TAFA2: variants seen among roughly 807,000 people sequenced by gnomAD.
The protein encoded by TAFA2 is chemokine-like protein TAFA-2.
A neutral mutation model predicts 18.8 loss-of-function variants in TAFA2; 7 were observed. The observed-to-expected ratio is 0.37, with a 90% confidence interval of 0.21 to 0.70. TAFA2 has a LOEUF of 0.70. TAFA2 is among the 30% of genes least tolerant of loss of function. The pLI, the probability that TAFA2 is intolerant of heterozygous loss-of-function variation, is 0.53. For synonymous variants in TAFA2, 60 were observed against 54.2 expected, an observed-to-expected ratio of 1.11 and a Z score of -0.47; for missense variants, 122 against 158.1, an observed-to-expected ratio of 0.77 and a Z score of 1.23.
At chr12:61,754,678 G>T (rs542176892) in intron 3 of TAFA2, among the ~76,000 whole-genome samples, 194 bp downstream of exon 3, 11 of 151,536 alleles carry the variant, frequency 7.3e-5, no homozygotes, top group Non-Finnish European at 1.5e-4. Context: ...TAACAGAACT[G>T]CATAATATTT....
At chr12:61,768,477 G>A (rs1189132853) in intron 2 of TAFA2, among the ~76,000 whole-genome samples, 1 of 152,094 alleles carries the variant, frequency 6.6e-6, no homozygotes, top group Non-Finnish European at 1.5e-5. Flanking sequence ...TGCCACTGTA[G>A]GTTTCGTGAG....
At chr12:62,193,706 C>G (rs2062637064), upstream of TAFA2, among the ~76,000 whole-genome samples, 1 of 152,160 alleles carries the variant, frequency 6.6e-6, no homozygotes, top group Non-Finnish European at 1.5e-5. Flanking sequence ...CATCTGTAAC[C>G]TTAACATTTA....
In TAFA2 at chr12:61,990,982, C is replaced by T. The variant is rs182647406; in HGVS notation, c.-1-123556G>A. On this transcript the variant is annotated intron_variant, in intron 1 of 4. Coordinates refer to ENST00000416284, the MANE Select transcript of TAFA2 (RefSeq NM_178539.5). ...AATATTTAGGTGAGGAAAATAGTGA[C>T]CTTTTGTAAATCCCCATAAATTAAC... Among the ~76,000 whole-genome samples the T allele has an allele frequency of 1.7e-3, 266 of 152,204 alleles. 4 individuals are homozygous for T. Among genetic ancestry groups the T allele is most frequent in the Non-Finnish European group, 1.4e-3 (93 of 68,004 alleles).
intron 2 of TAFA2, among the ~76,000 whole-genome samples, chr12:61,859,445 T>C (rs1231948061): frequency 1.3e-5 from 2 of 152,080 alleles, no homozygotes; most frequent in South Asian, 2.1e-4. Flanking sequence ...TTTGTTTTTG[T>C]TTTTGTTTTT....
intron 1 of TAFA2, among the ~76,000 whole-genome samples, chr12:62,079,660 T>C (rs1171032436): frequency 6.7e-6 from 1 of 148,180 alleles, no homozygotes; most frequent in Non-Finnish European, 1.5e-5. Context: ...CAAGACTCTG[T>C]CTCAAAAAAA....
intron 1 of TAFA2, among the ~76,000 whole-genome samples, chr12:62,059,552 G>A (rs948108926): frequency 3.0e-4 from 46 of 152,000 alleles, no homozygotes; most frequent in African/African-American, 1.1e-3. Context: ...GGGGCGGGGG[G>A]TTGCTGTTTT....
intron 2 of TAFA2, among the ~76,000 whole-genome samples, chr12:61,848,802 G>C (rs11174197): frequency 0.29 from 43,346 of 148,848 alleles, 6,877 homozygotes; most frequent in South Asian, 0.4. Flanking sequence ...ACAATAATAT[G>C]TTACATTGGT....
intron 2 of TAFA2, among the ~76,000 whole-genome samples, chr12:61,802,765 G>A (rs1430485033): frequency 6.6e-6 from 1 of 151,848 alleles, no homozygotes; most frequent in African/African-American, 2.4e-5. Flanking sequence ...CAGAAAGACA[G>A]GATAAATGTT....
At chr12:61,771,621 T>G (rs1318574152) in intron 2 of TAFA2, among the ~76,000 whole-genome samples, 2 of 151,982 alleles carry the variant, frequency 1.3e-5, no homozygotes, top group Non-Finnish European at 2.9e-5. Flanking sequence ...AATTTGCCCC[T>G]GAATGATTGT....
At chr12:62,214,734 C>A (rs1678528436) in intron 1 of TAFA2, among the ~76,000 whole-genome samples, 1 of 152,054 alleles carries the variant, frequency 6.6e-6, no homozygotes, top group African/African-American at 2.4e-5. Flanking sequence ...ATAAAAAGGC[C>A]TTGGAAAAAA....
At chr12:61,961,287 C>A (rs1202042425) in intron 1 of TAFA2, among the ~76,000 whole-genome samples, 3 of 151,942 alleles carry the variant, frequency 2.0e-5, no homozygotes, top group Non-Finnish European at 4.4e-5. Context: ...CAATGGGGAT[C>A]ACAATTTGGA....
In TAFA2 at chr12:61,838,736, T is replaced by C. The variant is rs1042977546; in HGVS notation, c.106+28584A>G. Among the ~76,000 whole-genome samples, 6 of 152,042 alleles carry C rather than the reference T, an allele frequency of 3.9e-5. No individual in the cohort carries two copies. The South Asian group carries it at 1.2e-3, about 31-fold the overall frequency. On this transcript the variant is annotated intron_variant, in intron 2 of 4. Transcript: ENST00000416284. ...TCGACAAATATTTTTGAGCACCTAT[T>C]GTATGCCAGGTCTTGCAGAAGTAGA...
chr12:61,976,081 C>T (rs17125568), intron 1 of TAFA2, among the ~76,000 whole-genome samples: 37,942 of 151,570 alleles, frequency 0.25, 5,032 homozygotes, highest in South Asian at 0.43. Flanking sequence ...CTTTACCAAA[C>T]GATATAATTA....
intron 2 of TAFA2, among the ~76,000 whole-genome samples, chr12:61,832,239 G>A (rs1321733096): frequency 2.0e-5 from 3 of 151,974 alleles, no homozygotes; most frequent in African/African-American, 4.8e-5. Flanking sequence ...AATCAGGAAC[G>A]GCCATGCAAC....
chr12:62,049,548 A>G (rs1337311211), intron 1 of TAFA2, among the ~76,000 whole-genome samples: 1 of 152,208 alleles, frequency 6.6e-6, no homozygotes, highest in Non-Finnish European at 1.5e-5. Context: ...TTTCAGTTGA[A>G]TAATGAGCAA....
chr12:61,907,786 C>A (rs1876425261), intron 1 of TAFA2, among the ~76,000 whole-genome samples: 1 of 152,218 alleles, frequency 6.6e-6, no homozygotes. Context: ...AAGGGTGGAG[C>A]TGCCCAAGGC....
chr12:62,072,538 T>C (rs1392021475), intron 1 of TAFA2, among the ~76,000 whole-genome samples: 1 of 151,934 alleles, frequency 6.6e-6, no homozygotes, highest in African/African-American at 2.4e-5. Flanking sequence ...TCCAGCACTT[T>C]GGGAGGCTGA....
chr12:62,143,345 G>A (rs2062253454), intron 1 of TAFA2, among the ~76,000 whole-genome samples: 1 of 152,178 alleles, frequency 6.6e-6, no homozygotes, highest in Non-Finnish European at 1.5e-5. Flanking sequence ...ATTGACTTGG[G>A]AAAGAACCAG....
intron 1 of TAFA2, among the ~76,000 whole-genome samples, chr12:62,128,758 C>T (rs952038142): frequency 2.0e-5 from 3 of 151,972 alleles, no homozygotes; most frequent in Non-Finnish European, 4.4e-5. Flanking sequence ...ATCATTGTTG[C>T]ATAAAGCCAC....
Sources: gnomAD v4.1 joint callset for allele counts (sites outside exome capture counted in the v4.1 genomes callset) on GRCh38, gnomAD v4.1.1 for gene constraint, MANE v1.5 for transcripts, NCBI Gene and HGNC (gene_info 2026-07-23, HGNC 2026-07-21) for gene names.